The following KIF21A variants were observed in gnomAD, a reference collection of about 807,000 sequenced individuals.
The protein encoded by KIF21A is kinesin family member 21A.
A neutral mutation model predicts 202.9 loss-of-function variants in KIF21A; 114 were observed. That is an observed-to-expected ratio of 0.56 (90% CI 0.48 to 0.66). The LOEUF (loss-of-function observed/expected upper bound fraction) is 0.66, where lower values mean the gene tolerates loss of function less well. KIF21A is among the 30% of genes least tolerant of loss of function. The pLI is 0.00. For synonymous variants in KIF21A, 667 were observed against 670.8 expected, an observed-to-expected ratio of 0.99 and a Z score of 0.09; for missense variants, 1,677 against 1,994.9, an observed-to-expected ratio of 0.84 and a Z score of 3.04.
intron 26 of KIF21A, among the ~76,000 whole-genome samples, chr12:39,324,482 G>C (rs1004779991): frequency 9.9e-5 from 15 of 152,164 alleles, no homozygotes; most frequent in African/African-American, 2.9e-4. Flanking sequence ...GGTAACTTCT[G>C]TTTAGACACT....
Position 39,429,725 on chromosome 12 carries a change from G to T in KIF21A, c.44+13202C>A, listed in dbSNP as rs1955033178. Among the ~76,000 whole-genome samples the T allele has an allele frequency of 2.0e-5, 3 of 152,004 alleles. No individual in the cohort carries two copies. In the South Asian group the frequency reaches 6.2e-4, roughly 32 times the overall value. On this transcript the variant is annotated intron_variant, in intron 1 of 37. Transcript: ENST00000361418. ...GTTTTATAAACAGGAACTCACCAAA[G>T]AAATTAACCCTATCTTAAGGTGATT...
At chr12:39,348,617 T>C (rs1338566897) in intron 11 of KIF21A, among the ~76,000 whole-genome samples, 1 of 151,854 alleles carries the variant, frequency 6.6e-6, no homozygotes, top group Non-Finnish European at 1.5e-5. Flanking sequence ...ACCAAAAATC[T>C]ACAACACAAA....
chr12:39,433,506 A>G (rs1414147802), intron 1 of KIF21A, among the ~76,000 whole-genome samples: 1 of 152,232 alleles, frequency 6.6e-6, no homozygotes, highest in Non-Finnish European at 1.5e-5. Flanking sequence ...AAGGAAGCAA[A>G]AGGAAAGCAT....
chr12:39,378,349 C>G (rs1950393833), intron 1 of KIF21A, among the ~76,000 whole-genome samples: 1 of 152,112 alleles, frequency 6.6e-6, no homozygotes, highest in Admixed American at 6.5e-5. Flanking sequence ...CAAAGAACTA[C>G]ATTGAAATAA....
intron 37 of KIF21A, 60 bp downstream of exon 37, chr12:39,301,420 T>C: frequency 8.1e-7 from 1 of 1,237,392 alleles, no homozygotes; most frequent in Admixed American, 1.7e-5. Context: ...ATTTACAACA[T>C]ATTTATTAAA....
At chr12:39,396,415 C>A (rs1234893606) in intron 1 of KIF21A, among the ~76,000 whole-genome samples, 6 of 151,970 alleles carry the variant, frequency 3.9e-5, no homozygotes, top group Non-Finnish European at 8.8e-5. Context: ...AAAGCAACAG[C>A]CAAAACTTAA....
At chr12:39,416,737 G>GTA (rs765759023) in intron 1 of KIF21A, among the ~76,000 whole-genome samples, 756 of 73,968 alleles carry the variant, frequency 0.01, 204 homozygotes, top group African/African-American at 0.072. Context: ...ATATATATGT[G>GTA]TATATATATA....
chr12:39,428,891 G>A (rs1954968493), intron 1 of KIF21A, among the ~76,000 whole-genome samples: 1 of 151,360 alleles, frequency 6.6e-6, no homozygotes, highest in Admixed American at 6.6e-5. Flanking sequence ...CGGGGAGTCA[G>A]AGGTTGCAGT....
chr12:39,428,188 G>C (rs1296061781), intron 1 of KIF21A, among the ~76,000 whole-genome samples: 2 of 152,156 alleles, frequency 1.3e-5, no homozygotes, highest in African/African-American at 4.8e-5. Flanking sequence ...ATCCTCAATA[G>C]TCCACTTAAC....
chr12:39,393,771 T>C lies in KIF21A; in HGVS notation c.45-23510A>G, dbSNP rs1251356400. 3.3e-5 allele frequency among the ~76,000 whole-genome samples: 5 copies of C among 152,216 alleles called. No homozygotes were observed. In the South Asian group the frequency reaches 8.3e-4, roughly 25 times the overall value. On this transcript the variant is annotated intron_variant, in intron 1 of 37. Coordinates refer to ENST00000361418, the MANE Select transcript of KIF21A (RefSeq NM_001173464.2). Reference sequence around the variant, plus strand: ...TGAGGAGAAAGGGAACTAATACAGGTTGGACATTTACAATGTGCCTGGCAC... The same window carrying C: ...TGAGGAGAAAGGGAACTAATACAGGCTGGACATTTACAATGTGCCTGGCAC...
chr12:39,352,134 C>A (rs1005914717), intron 10 of KIF21A, among the ~76,000 whole-genome samples, 154 bp from the exon 11 acceptor site: 3 of 152,022 alleles, frequency 2.0e-5, no homozygotes, highest in East Asian at 1.9e-4. Context: ...CCATCCATCT[C>A]CAGAAATTTT....
At chr12:39,296,153 C>A (rs893084857) in intron 37 of KIF21A, among the ~76,000 whole-genome samples, 10 of 150,698 alleles carry the variant, frequency 6.6e-5, no homozygotes, top group Non-Finnish European at 1.2e-4. Context: ...ACTGCAAGCT[C>A]CGCCTCCCGG....
intron 1 of KIF21A, among the ~76,000 whole-genome samples, chr12:39,435,512 C>G (rs185854638): frequency 2.0e-5 from 3 of 152,104 alleles, no homozygotes; most frequent in Admixed American, 6.6e-5. Context: ...CCATTACAAT[C>G]AAAATGTACT....
intron 10 of KIF21A, among the ~76,000 whole-genome samples, chr12:39,355,470 A>T (rs538398801): frequency 6.6e-6 from 1 of 152,094 alleles, no homozygotes; most frequent in South Asian, 2.1e-4. Flanking sequence ...ACGCAGCCTA[A>T]GAGCAGAAAG....
intron 8 of KIF21A, 102 bp from the exon 9 acceptor site, chr12:39,357,539 G>T: frequency 9.9e-7 from 1 of 1,008,540 alleles, no homozygotes; most frequent in Admixed American, 1.8e-5. Context: ...AACCAAGAGC[G>T]TTTTCATCTT....
intron 1 of KIF21A, among the ~76,000 whole-genome samples, chr12:39,389,179 TACACACACACAC>T (rs10632410): frequency 2.1e-5 from 3 of 142,086 alleles, no homozygotes; most frequent in East Asian, 2.1e-4. Context: ...TAAATACACA[TACACACACACAC>T]ACACACACAC....
chr12:39,436,440 ATATATATATT>A (rs1011939132), intron 1 of KIF21A, among the ~76,000 whole-genome samples: 2 of 118,294 alleles, frequency 1.7e-5, no homozygotes, highest in African/African-American at 8.1e-5. Flanking sequence ...ATATATATAT[ATATATATATT>A]TTTTTTTTTT....
At chr12:39,335,539 C>G (rs1362908979) in intron 17 of KIF21A, among the ~76,000 whole-genome samples, 1 of 151,724 alleles carries the variant, frequency 6.6e-6, no homozygotes, top group East Asian at 1.9e-4. Flanking sequence ...TGGTGAGTGA[C>G]TACCAATGGG....
intron 1 of KIF21A, among the ~76,000 whole-genome samples, chr12:39,389,600 T>C (rs928854595): frequency 6.6e-6 from 1 of 152,306 alleles, no homozygotes; most frequent in South Asian, 2.1e-4. Context: ...AAAAGAACTT[T>C]GGAAGATAAG....
Sources: allele counts gnomAD v4.1 joint callset (sites outside exome capture counted in the v4.1 genomes callset), GRCh38; gene constraint gnomAD v4.1.1; transcripts MANE v1.5; gene names NCBI Gene and HGNC (gene_info 2026-07-23, HGNC 2026-07-21).